The following ST8SIA4 variants were observed in gnomAD, a reference collection of about 807,000 sequenced individuals.
The protein encoded by ST8SIA4 is CMP-N-acetylneuraminate-poly-alpha-2,8-sialyltransferase.
Under a neutral mutation model 33.9 loss-of-function variants are expected in ST8SIA4, and 15 were observed. The ratio of observed to expected loss-of-function variants is 0.44; its 90% CI spans 0.30 to 0.68. The LOEUF (loss-of-function observed/expected upper bound fraction) is 0.68, where lower values mean the gene tolerates loss of function less well. Among genes scored for constraint, ST8SIA4 ranks in the 30% least tolerant of loss-of-function variants. ST8SIA4 has a pLI of 0.10. For synonymous variants in ST8SIA4, 171 were observed against 151.2 expected, an observed-to-expected ratio of 1.13 and a Z score of -0.96; for missense variants, 321 against 428.0, an observed-to-expected ratio of 0.75 and a Z score of 2.21.
At chr5:100,902,394 G>A (rs1365227421) in intron 1 of ST8SIA4, among the ~76,000 whole-genome samples, 1 of 151,770 alleles carries the variant, frequency 6.6e-6, no homozygotes, top group African/African-American at 2.4e-5. Context: ...GAGAAACAGA[G>A]TATACCTATT....
chr5:100,807,134 A>T lies in ST8SIA4; in HGVS notation c.*4713T>A, dbSNP rs1232260664. The T allele has an allele frequency of 6.6e-6, 1 of 152,176 alleles. No individual in the cohort carries two copies. Among genetic ancestry groups the T allele is most frequent in the Non-Finnish European group, 1.5e-5 (1 of 67,972 alleles). 9.4% of individuals were successfully genotyped at this position (152,176 alleles called of 1,614,324 possible). A position where few individuals can be genotyped will look rare whatever the true frequency, so the allele number is the denominator to read the frequency against. On this transcript the variant is annotated 3_prime_UTR_variant, in exon 5 of 5. Coordinates refer to ENST00000231461, the MANE Select transcript of ST8SIA4 (RefSeq NM_005668.6). Reference sequence around the variant, plus strand: ...GCAAAGCACAAGCCAAAGCTTGTTAAAAATGATCACCTAACATTGACATAC... The same window carrying T: ...GCAAAGCACAAGCCAAAGCTTGTTATAAATGATCACCTAACATTGACATAC...
intron 3 of ST8SIA4, among the ~76,000 whole-genome samples, chr5:100,858,544 C>A (rs1264593661): frequency 2.0e-5 from 3 of 152,002 alleles, no homozygotes; most frequent in Non-Finnish European, 2.9e-5. Flanking sequence ...ACATCCCACC[C>A]CCTATCCGTA....
chr5:100,855,374 C>G (rs139446450), intron 4 of ST8SIA4, among the ~76,000 whole-genome samples: 2 of 152,274 alleles, frequency 1.3e-5, no homozygotes, highest in Admixed American at 1.3e-4. Flanking sequence ...AAAGCCTATG[C>G]ATTTTTTAAA....
chr5:100,825,029 C>G (rs1751112234), intron 4 of ST8SIA4, among the ~76,000 whole-genome samples: 1 of 152,056 alleles, frequency 6.6e-6, no homozygotes, highest in Non-Finnish European at 1.5e-5. Flanking sequence ...CCACTGCACT[C>G]CAGCCTGGGT....
intron 3 of ST8SIA4, among the ~76,000 whole-genome samples, chr5:100,866,358 T>G (rs893158265): frequency 6.6e-6 from 1 of 152,102 alleles, no homozygotes; most frequent in Non-Finnish European, 1.5e-5. Flanking sequence ...TATTTGAAGT[T>G]AAAAGTGCTA....
At chr5:100,836,031 C>T (rs951416105) in intron 4 of ST8SIA4, among the ~76,000 whole-genome samples, 1 of 151,938 alleles carries the variant, frequency 6.6e-6, no homozygotes, top group Non-Finnish European at 1.5e-5. Flanking sequence ...TTAAATAAAC[C>T]TGCAGAAAGG....
chr5:100,851,251 A>G (rs1178989973), intron 4 of ST8SIA4, among the ~76,000 whole-genome samples: 1 of 151,954 alleles, frequency 6.6e-6, no homozygotes, highest in African/African-American at 2.4e-5. Flanking sequence ...ATAAGCCACC[A>G]TGCCCGGCCT....
intron 2 of ST8SIA4, among the ~76,000 whole-genome samples, chr5:100,893,742 A>G (rs1199022708): frequency 6.6e-6 from 1 of 152,156 alleles, no homozygotes; most frequent in Non-Finnish European, 1.5e-5. Flanking sequence ...TTGCTATCTG[A>G]CACATTATTT....
At chr5:100,888,347 G>T (rs374015359) in intron 2 of ST8SIA4, among the ~76,000 whole-genome samples, 14 of 152,024 alleles carry the variant, frequency 9.2e-5, no homozygotes, top group African/African-American at 3.1e-4. Context: ...ATTCAAAGCA[G>T]GGGGTTGTGT....
chr5:100,841,234 C>G, intron 4 of ST8SIA4, among the ~76,000 whole-genome samples: 1 of 151,802 alleles, frequency 6.6e-6, no homozygotes. Context: ...TGGTTGGGAA[C>G]CTGATGCTTT....
intron 4 of ST8SIA4, among the ~76,000 whole-genome samples, chr5:100,853,854 G>A (rs1486793281): frequency 6.6e-6 from 1 of 152,062 alleles, no homozygotes; most frequent in Non-Finnish European, 1.5e-5. Context: ...CCAAAATCTA[G>A]GAAACAAAGG....
Position 100,810,650 on chromosome 5 carries a change from T to C in ST8SIA4, c.*1197A>G, listed in dbSNP as rs1750796002. 6.6e-6 allele frequency: 1 copy of C among 152,586 alleles called. No homozygotes were observed. Among genetic ancestry groups the C allele is most frequent in the Admixed American group, 6.5e-5 (1 of 15,286 alleles). The allele number at this position is 152,586 out of a possible 1,614,324, so 9.5% of individuals were successfully genotyped here. A position where few individuals can be genotyped will look rare whatever the true frequency, so the allele number is the denominator to read the frequency against. On this transcript the variant is annotated 3_prime_UTR_variant, in exon 5 of 5. Transcript: ENST00000231461. Reference sequence around the variant, plus strand: ...TCACATTAATAGCAAAATAATATATTCATGTTAATAATATATTATTTTCAT... The same window carrying C: ...TCACATTAATAGCAAAATAATATATCCATGTTAATAATATATTATTTTCAT...
intron 3 of ST8SIA4, among the ~76,000 whole-genome samples, chr5:100,864,436 A>G (rs10061665): frequency 0.92 from 139,587 of 152,014 alleles, 64,169 homozygotes; most frequent in African/African-American, 0.97. Flanking sequence ...TTAGCTGGGC[A>G]TGGTGGCGGG....
intron 4 of ST8SIA4, among the ~76,000 whole-genome samples, chr5:100,825,728 G>A (rs932059857): frequency 1.1e-4 from 16 of 152,094 alleles, no homozygotes; most frequent in Non-Finnish European, 2.1e-4. Context: ...TTATGAATAG[G>A]CTATCGATAT....
intron 2 of ST8SIA4, among the ~76,000 whole-genome samples, chr5:100,892,890 G>C (rs1752704844): frequency 6.6e-6 from 1 of 151,950 alleles, no homozygotes; most frequent in Admixed American, 6.6e-5. Flanking sequence ...TATGCATGCA[G>C]GGCTTAAAAC....
Position 100,811,722 on chromosome 5 carries a change from C to G in ST8SIA4, c.*125G>C. 1 of 942,500 alleles carries G rather than the reference C, an allele frequency of 1.1e-6. No homozygotes were observed. Among genetic ancestry groups the G allele is most frequent in the Non-Finnish European group, 1.6e-6 (1 of 643,368 alleles). The allele number at this position is 942,500 out of a possible 1,614,324, so 58.4% of individuals were successfully genotyped here. On this transcript the variant is annotated 3_prime_UTR_variant, in exon 5 of 5. Coordinates refer to ENST00000231461, the MANE Select transcript of ST8SIA4 (RefSeq NM_005668.6). ...CAGCTGGTAGTCGATTTCTCATGAA[C>G]GTCCTTTATTCACCTTTCAGTTCAT...
chr5:100,819,862 A>T (rs1025705590), intron 4 of ST8SIA4, among the ~76,000 whole-genome samples: 2 of 152,190 alleles, frequency 1.3e-5, no homozygotes, highest in Admixed American at 1.3e-4. Context: ...GAAGAGATAA[A>T]TGATGGTTTT....
chr5:100,881,113 G>T (rs1752413850), intron 3 of ST8SIA4, among the ~76,000 whole-genome samples: 1 of 152,204 alleles, frequency 6.6e-6, no homozygotes, highest in Non-Finnish European at 1.5e-5. Flanking sequence ...CCAACAGTGG[G>T]AGGTAGACTG....
chr5:100,863,906 A>C (rs1449530063), intron 3 of ST8SIA4, among the ~76,000 whole-genome samples: 1 of 152,230 alleles, frequency 6.6e-6, no homozygotes, highest in East Asian at 1.9e-4. Context: ...TCACTTCAGC[A>C]TATCAACAGA....
Sources: allele counts gnomAD v4.1 joint callset (sites outside exome capture counted in the v4.1 genomes callset), GRCh38; gene constraint gnomAD v4.1.1; transcripts MANE v1.5; gene names NCBI Gene and HGNC (gene_info 2026-07-23, HGNC 2026-07-21).